Variants in PARD6G observed in about 807,000 individuals in gnomAD.
PARD6G encodes partitioning defective 6 homolog gamma.
In PARD6G, 7 loss-of-function variants were observed where a neutral mutation model predicts 10.7. That is an observed-to-expected ratio of 0.66 (90% confidence interval 0.37 to 1.23). The LOEUF is 1.23. PARD6G is among the 50% of genes most tolerant of loss of function. The probability of loss-of-function intolerance (pLI) is 0.02; values close to 1 mark genes in which losing one functional copy is unlikely to be tolerated. For missense variants in PARD6G, 548 were observed against 571.8 expected (o/e 0.96, Z 0.42); for synonymous variants, 287 against 269.4 (o/e 1.07, Z -0.64).
chr18:80,164,679 T>TC, intron 2 of PARD6G, among the ~76,000 whole-genome samples: 1 of 152,326 alleles, frequency 6.6e-6, no homozygotes, highest in South Asian at 2.1e-4. Flanking sequence ...GGTTCTATTT[T>TC]CCATAAATGT....
At position 80,160,296 on chromosome 18, in the gene PARD6G, G is replaced by A. The variant is rs1018472285; in HGVS notation, c.606C>T (p.Gly202=). 4.3e-6 allele frequency: 7 copies of A among 1,612,352 alleles called. No individual in the cohort carries two copies. The African/African-American group carries it at 6.7e-5, about 15-fold the overall frequency. The part of the protein sequence containing the change: ...GIFISRMVPG[G]LAESTGLLAV... The stretch of plus-strand genomic sequence containing the variant: ...CCAGCAGCCCGGTGCTCTCCGCCAG[G>A]CCCCCGGGTACCATGCGCGAGATGA... Residue 202 remains glycine (G), a synonymous_variant, in exon 3 of 3, where the codon GGC becomes GGT. Transcript: ENST00000353265.
At chr18:80,168,972 C>G (rs1043378253) in intron 2 of PARD6G, 8 of 169,240 alleles carry the variant, frequency 4.7e-5, no homozygotes, top group African/African-American at 1.9e-4. Context: ...TATCCTGACT[C>G]TCTGGCGAGG....
chr18:80,244,815 T>G (rs1967526603), intron 1 of PARD6G, among the ~76,000 whole-genome samples: 1 of 152,178 alleles, frequency 6.6e-6, no homozygotes, highest in African/African-American at 2.4e-5. Flanking sequence ...GCTGTTATTT[T>G]GACAACAGCG....
intron 2 of PARD6G, among the ~76,000 whole-genome samples, chr18:80,177,398 G>A (rs1229265831): frequency 7.1e-6 from 1 of 140,666 alleles, no homozygotes; most frequent in African/African-American, 2.7e-5. Flanking sequence ...TAGCCCAAAT[G>A]GGAAGCATAC....
rs557848879 is a variant in PARD6G, at chr18:80,183,015, G to A, written c.295+19695C>T. ...GCTCCCAGTGGAATGAGATGGCTGG[G>A]GTCTCATGAGGGGCCAGCTGCGTGG... On this transcript the variant is annotated intron_variant, in intron 2 of 2. Coordinates refer to ENST00000353265, the MANE Select transcript of PARD6G (RefSeq NM_032510.4). The surrounding 1 kb of genome is among the most constrained non-coding windows in gnomAD (Gnocchi z 4.5). 9 of 684,712 alleles carry A rather than the reference G, an allele frequency of 1.3e-5. No individual in the cohort carries two copies. The highest frequency in any genetic ancestry group is 1.1e-4 in the South Asian group (7 of 65,510). The allele number at this position is 684,712 out of a possible 1,614,324, so 42.4% of individuals were successfully genotyped here.
At position 80,159,457 on chromosome 18, in the gene PARD6G, A is replaced by C. The variant is rs1269364379; in HGVS notation, c.*314T>G. 1 of 280,724 alleles carries C rather than the reference A, an allele frequency of 3.6e-6. No homozygotes were observed. The highest frequency in any genetic ancestry group is 6.5e-6 in the Non-Finnish European group (1 of 153,466). The allele number at this position is 280,724 out of a possible 1,614,324, so 17.4% of individuals were successfully genotyped here. On this transcript the variant is annotated 3_prime_UTR_variant, in exon 3 of 3. Transcript: ENST00000353265. ...AAGTAATTTTAAAGCTTCACTTTAA[A>C]AACAAAGTATTTGTAAAAATTTTAA... is the stretch of plus-strand genomic sequence containing the variant.
intron 2 of PARD6G, among the ~76,000 whole-genome samples, chr18:80,179,478 A>G (rs2052836639): frequency 6.6e-6 from 1 of 152,170 alleles, no homozygotes; most frequent in South Asian, 2.1e-4. Flanking sequence ...ACAGAAGGCC[A>G]ACAGGACAGG....
At chr18:80,244,396 A>T (rs1967520844) in intron 1 of PARD6G, among the ~76,000 whole-genome samples, 1 of 152,202 alleles carries the variant, frequency 6.6e-6, no homozygotes, top group Admixed American at 6.5e-5. Flanking sequence ...AAAAGCCACC[A>T]GGTCAAGATC....
chr18:80,183,188 A>G lies in PARD6G; in HGVS notation c.295+19522T>C. ...TAGTGAAGAAGTGGAGGGCCTTGCA[A>G]TGTGAAAGGGTGGGAGAGAGAAAGC... On this transcript the variant is annotated intron_variant, in intron 2 of 2. Coordinates refer to ENST00000353265, the MANE Select transcript of PARD6G (RefSeq NM_032510.4). The surrounding 1 kb of genome is among the most constrained non-coding windows in gnomAD (Gnocchi z 4.5). 1 of 702,944 alleles carries G rather than the reference A, an allele frequency of 1.4e-6. No homozygotes were observed. Among genetic ancestry groups the G allele is most frequent in the Non-Finnish European group, 2.6e-6 (1 of 384,978 alleles). The allele number at this position is 702,944 out of a possible 1,614,324, so 43.5% of individuals were successfully genotyped here.
intron 1 of PARD6G, among the ~76,000 whole-genome samples, chr18:80,232,510 A>G (rs1216753277): frequency 6.6e-6 from 1 of 152,180 alleles, no homozygotes; most frequent in Non-Finnish European, 1.5e-5. Context: ...CAAGAAAAAA[A>G]TGAGGAAGAT....
chr18:80,160,549 A>G lies in PARD6G; in HGVS notation c.353T>C (p.Leu118Pro). 1.3e-6 allele frequency: 2 copies of G among 1,489,218 alleles called. No individual in the cohort carries two copies. Among genetic ancestry groups the G allele is most frequent in the Non-Finnish European group, 1.8e-6 (2 of 1,122,288 alleles). 92.3% of individuals were successfully genotyped at this position (1,489,218 alleles called of 1,614,324 possible). A position where few individuals can be genotyped will look rare whatever the true frequency, so the allele number is the denominator to read the frequency against. Reference protein sequence around the residue: ...AGSLCRRRRALGALRDEGPRR... With the variant: ...AGSLCRRRRAPGALRDEGPRR... ...GGGTCCTTCATCACGCAGCGCGCCC[A>G]GCGCCCGCCTCCGCCTGCACAGCGA... Residue 118 changes from leucine (L) to proline (P), a missense_variant, in exon 3 of 3, where the codon CTG becomes CCG. Transcript: ENST00000353265.
intron 1 of PARD6G, among the ~76,000 whole-genome samples, chr18:80,237,373 T>C (rs1311533751): frequency 6.6e-6 from 1 of 152,170 alleles, no homozygotes; most frequent in Non-Finnish European, 1.5e-5. Flanking sequence ...AAGACTTAAA[T>C]GTTAGACCTA....
chr18:80,218,623 T>A (rs1251352062), intron 1 of PARD6G, among the ~76,000 whole-genome samples: 1 of 152,156 alleles, frequency 6.6e-6, no homozygotes, highest in Non-Finnish European at 1.5e-5. Context: ...TGTCGGTGGA[T>A]CTACCATTCT....
chr18:80,238,540 TAAAAAC>T (rs1267051789), intron 1 of PARD6G, among the ~76,000 whole-genome samples: 2 of 146,702 alleles, frequency 1.4e-5, no homozygotes, highest in African/African-American at 5.0e-5. Flanking sequence ...AAAATAAAAA[TAAAAAC>T]AAAAAACTGG....
rs192765797 is a variant in PARD6G at position 80,242,074 on chromosome 18, G to C, written c.72+5203C>G. Among the ~76,000 whole-genome samples, 85 of 152,262 alleles carry C rather than the reference G, an allele frequency of 5.6e-4. No individual in the cohort carries two copies. In the South Asian group the frequency reaches 8.9e-3, roughly 16 times the overall value. ...CCCTGGCTAGCTGGGGTGCCCACCT[G>C]GAAGGCCATCAGAGTCTCCCAGGCC... On this transcript the variant is annotated intron_variant, in intron 1 of 2. Transcript: ENST00000353265.
In PARD6G at chr18:80,184,188, C is replaced by T. The variant is rs2052861510; in HGVS notation, c.295+18522G>A. 6.6e-6 allele frequency: 1 copy of T among 152,234 alleles called. No homozygotes were observed. Among genetic ancestry groups the T allele is most frequent in the African/African-American group, 2.4e-5 (1 of 41,458 alleles). The allele number at this position is 152,234 out of a possible 1,614,324, so 9.4% of individuals were successfully genotyped here. A position where few individuals can be genotyped will look rare whatever the true frequency, so the allele number is the denominator to read the frequency against. ...AATGCGGAACACTGGGCACCTCCCC[C>T]TAAGGTCAGGAACAAGACGAGGGTG... On this transcript the variant is annotated intron_variant, in intron 2 of 2. Coordinates refer to ENST00000353265, the MANE Select transcript of PARD6G (RefSeq NM_032510.4). The surrounding 1 kb of genome is among the most constrained non-coding windows in gnomAD (Gnocchi z 4.5).
intron 1 of PARD6G, among the ~76,000 whole-genome samples, chr18:80,245,766 G>A (rs1967537819): frequency 6.6e-6 from 1 of 152,092 alleles, no homozygotes; most frequent in Non-Finnish European, 1.5e-5. Context: ...CCATGCTTGT[G>A]GGCTCTTCCC....
intron 2 of PARD6G, among the ~76,000 whole-genome samples, chr18:80,194,987 A>G (rs1966937546): frequency 6.6e-6 from 1 of 151,972 alleles, no homozygotes; most frequent in Non-Finnish European, 1.5e-5. Context: ...TGGGGAATAA[A>G]ACGGCAGGAG....
chr18:80,237,819 A>G (rs1232154322), intron 1 of PARD6G, among the ~76,000 whole-genome samples: 1 of 152,182 alleles, frequency 6.6e-6, no homozygotes, highest in Non-Finnish European at 1.5e-5. Flanking sequence ...ACCAGTTAGA[A>G]TGGTGATCAT....
Sources: allele counts gnomAD v4.1 joint callset (sites outside exome capture counted in the v4.1 genomes callset), GRCh38; gene constraint gnomAD v4.1.1; non-coding constraint Gnocchi (gnomAD v3.1); transcripts MANE v1.5; gene names NCBI Gene and HGNC (gene_info 2026-07-23, HGNC 2026-07-21).